Variants in NOX5 observed in about 807,000 individuals in gnomAD.
The protein encoded by NOX5 is NADPH oxidase, EF-hand calcium binding domain 5.
Under a neutral mutation model 85.7 loss-of-function variants are expected in NOX5, and 76 were observed. That is an observed-to-expected ratio of 0.89 (90% confidence interval 0.74 to 1.07). The LOEUF is 1.07. Ranked by LOEUF, NOX5 falls within the 50% of genes least tolerant of loss-of-function variation. The pLI, the probability that NOX5 is intolerant of heterozygous loss-of-function variation, is 0.00. For missense variants in NOX5, 973 were observed against 999.5 expected (o/e 0.97, Z 0.36); for synonymous variants, 405 against 401.4 (o/e 1.01, Z -0.11).
At chr15:69,035,974 A>C (rs1194513368) in intron 7 of NOX5, 38 bp downstream of exon 7, 1 of 1,610,820 alleles carries the variant, frequency 6.2e-7, no homozygotes, top group East Asian at 2.2e-5. Context: ...CCCCAAGGCC[A>C]GGGTCCTACT....
chr15:69,033,220 C>A lies in NOX5; in HGVS notation c.798C>A (p.Ser266Arg), dbSNP rs770586168. 1.3e-6 allele frequency: 2 copies of A among 1,597,746 alleles called. No homozygotes were observed. Among genetic ancestry groups the A allele is most frequent in the Non-Finnish European group, 1.7e-6 (2 of 1,179,094 alleles). ...GCGCGCACCGGGACCTCGGCGCCAG[C>A]GTCATGGTGGCCAAGGGCTGCGGCC... is the stretch of plus-strand genomic sequence containing the variant. ...AASAHRDLGASVMVAKGCGQC... is the reference protein window; with the variant it reads ...AASAHRDLGARVMVAKGCGQC... Residue 266 changes from serine to arginine, a missense_variant, in exon 5 of 16, where the codon AGC becomes AGA. Transcript: ENST00000388866.
intron 4 of NOX5, among the ~76,000 whole-genome samples, chr15:69,032,133 A>G (rs1466115055): frequency 6.6e-6 from 1 of 152,232 alleles, no homozygotes; most frequent in Admixed American, 6.5e-5. Flanking sequence ...AGGATCACAC[A>G]AATAATTAAC....
chr15:69,036,925 C>T, intron 7 of NOX5, 103 bp from the exon 8 acceptor site: 1 of 907,280 alleles, frequency 1.1e-6, no homozygotes, highest in East Asian at 2.4e-5. Flanking sequence ...AGAGTCAAGG[C>T]TCTGAGCACT....
chr15:69,048,564 TTAAAA>T (rs2050705575), intron 13 of NOX5, among the ~76,000 whole-genome samples: 1 of 150,680 alleles, frequency 6.6e-6, no homozygotes, highest in South Asian at 2.1e-4. Context: ...ATAATAATAA[TTAAAA>T]TAATATAATC....
Position 69,026,440 on chromosome 15 carries a change from G to T in NOX5, c.51-88G>T, listed in dbSNP as rs1050791285. Reference sequence around the variant, plus strand: ...TCAGGGAGGCTCAGGGCCCTAGTTAGAGCAAGGCAGAGGCCCTGGGACCAC... The same window carrying T: ...TCAGGGAGGCTCAGGGCCCTAGTTATAGCAAGGCAGAGGCCCTGGGACCAC... On this transcript the variant is annotated intron_variant, in intron 1 of 15. Transcript: ENST00000388866. The T allele has an allele frequency of 1.9e-6, 3 of 1,563,976 alleles. No individual in the cohort carries two copies. The African/African-American group carries it at 4.1e-5, about 21-fold the overall frequency.
At chr15:69,041,352 CCTCT>C (rs997298511) in intron 9 of NOX5, among the ~76,000 whole-genome samples, 1 of 152,208 alleles carries the variant, frequency 6.6e-6, no homozygotes, top group African/African-American at 2.4e-5. Context: ...CTATGAAGCA[CCTCT>C]CTAAGCCTCT....
Position 69,035,370 on chromosome 15 carries a change from G to T in NOX5, c.872G>T (p.Arg291Leu). ...CSFIAVLMLR[R>L]CLTWLRATWL... is the part of the protein sequence containing the mutation. ...CCTGGCCAGGTGCTGATGCTCAGACGCTGCCTCACCTGGCTGCGGGCCACG... is the reference window on the plus strand; with the variant it reads ...CCTGGCCAGGTGCTGATGCTCAGACTCTGCCTCACCTGGCTGCGGGCCACG... Residue 291 changes from arginine (R) to leucine (L), a missense_variant, in exon 6 of 16, where the codon CGC (arginine) becomes CTC (leucine). Physicochemically the swap from Arg to Leu is moderately radical, Grantham distance 102 (BLOSUM62 -2). Coordinates refer to ENST00000388866, the MANE Select transcript of NOX5 (RefSeq NM_024505.4). The T allele has an allele frequency of 1.9e-6, 3 of 1,614,048 alleles. No individual in the cohort carries two copies. Among genetic ancestry groups the T allele is most frequent in the Non-Finnish European group, 2.5e-6 (3 of 1,179,976 alleles).
chr15:69,047,980 A>T (rs2050696889), intron 13 of NOX5, 69 bp downstream of exon 13: 1 of 1,398,228 alleles, frequency 7.2e-7, no homozygotes, highest in African/African-American at 1.4e-5. Flanking sequence ...ATAGGAGCCC[A>T]TCCTCCTGTG....
At chr15:69,024,671 C>G (rs1265208749) in intron 1 of NOX5, among the ~76,000 whole-genome samples, 1 of 152,048 alleles carries the variant, frequency 6.6e-6, no homozygotes, top group African/African-American at 2.4e-5. Flanking sequence ...CTTACTGTAG[C>G]TAATTTACAA....
intron 1 of NOX5, chr15:69,022,838 G>T: frequency 3.2e-6 from 1 of 316,354 alleles, no homozygotes; most frequent in South Asian, 3.0e-5. Context: ...CTCTCATCTT[G>T]TTCCTGGATG....
intron 11 of NOX5, 155 bp downstream of exon 11, chr15:69,047,021 C>T: frequency 1.4e-6 from 1 of 715,098 alleles, no homozygotes; most frequent in Non-Finnish European, 2.4e-6. Flanking sequence ...CATGTAACCA[C>T]ATCCCTCCCC....
chr15:69,028,419 G>C, intron 3 of NOX5, 54 bp downstream of exon 3: 1 of 1,504,182 alleles, frequency 6.6e-7, no homozygotes, highest in Non-Finnish European at 8.9e-7. Flanking sequence ...GGGCCTCAGT[G>C]AGAACTGGCC....
At chr15:69,039,018 C>T (rs1215134340) in intron 9 of NOX5, 29 bp downstream of exon 9, 4 of 1,612,174 alleles carry the variant, frequency 2.5e-6, no homozygotes, top group Admixed American at 3.3e-5. Context: ...AGTCACTCTG[C>T]ACATATTCAC....
At chr15:69,055,538 A>G (rs894673005) in intron 15 of NOX5, 38 bp downstream of exon 15, 3 of 1,603,120 alleles carry the variant, frequency 1.9e-6, no homozygotes, top group Non-Finnish European at 2.6e-6. Context: ...GCAGGTATGG[A>G]TGAAGCTGAG....
At chr15:69,043,201 T>G (rs939296806) in intron 10 of NOX5, among the ~76,000 whole-genome samples, 2 of 152,240 alleles carry the variant, frequency 1.3e-5, no homozygotes. Context: ...AAAAACCAAC[T>G]GAATGAATGC....
chr15:69,042,678 A>G lies in NOX5; in HGVS notation c.1520A>G (p.His507Arg). The G allele has an allele frequency of 5.0e-6, 8 of 1,613,628 alleles. No individual in the cohort carries two copies. Among genetic ancestry groups the G allele is most frequent in the Non-Finnish European group, 6.8e-6 (8 of 1,179,956 alleles). The change falls in exon 10 of 16, where the codon CAC (histidine) becomes CGC (arginine). Residue 507 changes from histidine (H) to arginine (R), a missense_variant. Coordinates refer to ENST00000388866, the MANE Select transcript of NOX5 (RefSeq NM_024505.4). ...APEQKDTIWL[H>R]IRSQGQWTNR... ...TCTTTCTCAGACACTATCTGGCTGCACATTCGGTCCCAAGGCCAGTGGACA... is the reference window on the plus strand; with the variant it reads ...TCTTTCTCAGACACTATCTGGCTGCGCATTCGGTCCCAAGGCCAGTGGACA...
intron 9 of NOX5, among the ~76,000 whole-genome samples, chr15:69,039,402 T>G (rs1595781899): frequency 2.0e-5 from 3 of 149,982 alleles, no homozygotes; most frequent in Non-Finnish European, 4.4e-5. Context: ...GCAGGTGGAG[T>G]AGCAAGGAAA....
At chr15:69,023,535 C>T (rs528146557) in intron 1 of NOX5, 46 of 308,986 alleles carry the variant, frequency 1.5e-4, no homozygotes, top group African/African-American at 9.1e-4. Flanking sequence ...AGCAGTGTGT[C>T]GGTCATAGAG....
chr15:69,016,233 GT>G (rs2050230922), intron 1 of NOX5, among the ~76,000 whole-genome samples: 1 of 152,234 alleles, frequency 6.6e-6, no homozygotes, highest in Non-Finnish European at 1.5e-5. Flanking sequence ...GCCTATCTCA[GT>G]GGGAGGCTGG....
Sources: allele counts gnomAD v4.1 joint callset (sites outside exome capture counted in the v4.1 genomes callset), GRCh38; gene constraint gnomAD v4.1.1; transcripts MANE v1.5; gene names NCBI Gene and HGNC (gene_info 2026-07-23, HGNC 2026-07-21).